LRP12: variants seen among roughly 807,000 people sequenced by gnomAD.
LRP12 encodes the protein LDL receptor related protein 12, also known as low-density lipoprotein receptor-related protein 12.
LRP12 carries 14 observed loss-of-function variants against 66.0 expected under a neutral mutation model. That is an observed-to-expected ratio of 0.21 (90% CI 0.14 to 0.33). The LOEUF (loss-of-function observed/expected upper bound fraction) is 0.33, where lower values mean the gene tolerates loss of function less well. LRP12 is among the 10% of genes least tolerant of loss of function. LRP12 has a pLI of 1.00. For missense variants in LRP12, 889 were observed against 1,053.4 expected (o/e 0.84, Z 2.16); for synonymous variants, 357 against 359.1 (o/e 0.99, Z 0.07).
intron 1 of LRP12, among the ~76,000 whole-genome samples, chr8:104,532,533 T>C (rs1811339759): frequency 6.6e-6 from 1 of 152,168 alleles, no homozygotes; most frequent in Admixed American, 6.6e-5. Flanking sequence ...TAAAATTTTG[T>C]ATTTTATACA....
chr8:104,585,675 C>A (rs574092046), intron 1 of LRP12, among the ~76,000 whole-genome samples: 1 of 152,130 alleles, frequency 6.6e-6, no homozygotes, highest in South Asian at 2.1e-4. Context: ...TAGAAAACAT[C>A]TGAGTGCACA....
intron 1 of LRP12, among the ~76,000 whole-genome samples, chr8:104,556,637 A>AAAAAAAGTC (rs1811813643): frequency 6.6e-6 from 1 of 152,160 alleles, no homozygotes; most frequent in Non-Finnish European, 1.5e-5. Flanking sequence ...ATTGTTCACA[A>AAAAAAAGTC]AAAAAAGTCC....
At chr8:104,495,314 T>A in intron 5 of LRP12, 105 bp from the exon 6 acceptor site, 1 of 1,159,150 alleles carries the variant, frequency 8.6e-7, no homozygotes, top group Non-Finnish European at 1.2e-6. Flanking sequence ...GCATATTTGA[T>A]CATTTTAAAG....
At chr8:104,566,209 G>A in intron 1 of LRP12, 1 of 672,000 alleles carries the variant, frequency 1.5e-6, no homozygotes, top group Admixed American at 3.0e-5. Context: ...TGAAAATGCA[G>A]CACATAGAAA....
intron 2 of LRP12, among the ~76,000 whole-genome samples, chr8:104,512,053 T>TAGA (rs1418579721): frequency 6.6e-6 from 1 of 152,190 alleles, no homozygotes; most frequent in African/African-American, 2.4e-5. Flanking sequence ...TTCTTCCACT[T>TAGA]TACTCTGAGT....
At position 104,490,494 on chromosome 8, in the gene LRP12, A is replaced by G; in HGVS notation, c.*179T>C. ...ATGCATTTTTAGCTGCTAAAATAGT[A>G]AACTCTAAGTTCATAGAGTTACAAG... On this transcript the variant is annotated 3_prime_UTR_variant, in exon 7 of 7. Coordinates refer to ENST00000276654, the MANE Select transcript of LRP12 (RefSeq NM_013437.5). 3.3e-6 allele frequency: 2 copies of G among 610,644 alleles called. No individual in the cohort carries two copies. The highest frequency in any genetic ancestry group is 2.7e-6 in the Non-Finnish European group (1 of 364,118). The allele number at this position is 610,644 out of a possible 1,614,324, so 37.8% of individuals were successfully genotyped here. A position where few individuals can be genotyped will look rare whatever the true frequency, so the allele number is the denominator to read the frequency against.
chr8:104,582,276 G>A (rs1160909081), intron 1 of LRP12, among the ~76,000 whole-genome samples: 6 of 152,106 alleles, frequency 3.9e-5, no homozygotes, highest in Non-Finnish European at 7.4e-5. Flanking sequence ...AAGTAAATGA[G>A]TTATTAACTA....
At chr8:104,511,242 C>A (rs2140845096) in intron 2 of LRP12, among the ~76,000 whole-genome samples, 1 of 151,830 alleles carries the variant, frequency 6.6e-6, no homozygotes, top group East Asian at 1.9e-4. Flanking sequence ...AGGGGTTTCA[C>A]CAGGTTGGCC....
At chr8:104,573,588 G>A (rs556601234) in intron 1 of LRP12, among the ~76,000 whole-genome samples, 7 of 151,902 alleles carry the variant, frequency 4.6e-5, no homozygotes, top group Admixed American at 2.6e-4. Flanking sequence ...TTCTCCCCTC[G>A]GCATTTATTA....
At chr8:104,548,278 A>G (rs1811647216) in intron 1 of LRP12, among the ~76,000 whole-genome samples, 1 of 91,272 alleles carries the variant, frequency 1.1e-5, no homozygotes, top group Admixed American at 1.9e-4. Flanking sequence ...TATATATTAT[A>G]TTAATATATC....
chr8:104,578,886 A>G (rs1288312460), intron 1 of LRP12, among the ~76,000 whole-genome samples: 1 of 152,176 alleles, frequency 6.6e-6, no homozygotes, highest in African/African-American at 2.4e-5. Flanking sequence ...ACCCCTTCAT[A>G]TTAAAAACTC....
intron 1 of LRP12, among the ~76,000 whole-genome samples, chr8:104,548,295 T>TAA (rs1564142055): frequency 5.4e-4 from 33 of 60,908 alleles, no homozygotes; most frequent in Admixed American, 9.1e-4. Context: ...TATCATATAT[T>TAA]TATATAATAT....
At chr8:104,535,052 A>G (rs1811375438) in intron 1 of LRP12, among the ~76,000 whole-genome samples, 1 of 151,846 alleles carries the variant, frequency 6.6e-6, no homozygotes, top group Non-Finnish European at 1.5e-5. Context: ...CTGATAAAAC[A>G]TTACTTCTTT....
intron 1 of LRP12, among the ~76,000 whole-genome samples, chr8:104,573,949 T>C (rs1189431652): frequency 1.3e-5 from 2 of 152,148 alleles, no homozygotes; most frequent in East Asian, 1.9e-4. Flanking sequence ...GATTAAAATA[T>C]ATCATTAGCA....
intron 2 of LRP12, among the ~76,000 whole-genome samples, chr8:104,529,418 T>C (rs1485701963): frequency 6.6e-6 from 1 of 152,168 alleles, no homozygotes; most frequent in African/African-American, 2.4e-5. Flanking sequence ...TATTTCTAAA[T>C]GTGTATCTGA....
chr8:104,527,493 T>TATATAAAA, intron 2 of LRP12, among the ~76,000 whole-genome samples: 1 of 151,052 alleles, frequency 6.6e-6, no homozygotes, highest in African/African-American at 2.4e-5. Context: ...CATGGAATAC[T>TATATAAAA]ATGCAGCCAT....
intron 3 of LRP12, chr8:104,505,673 G>A (rs1200794147): frequency 6.6e-6 from 1 of 152,116 alleles, no homozygotes; most frequent in Non-Finnish European, 1.5e-5. Context: ...AAAGTGCTGG[G>A]ATTACAGGCG....
chr8:104,570,324 A>C (rs1812059005), intron 1 of LRP12, among the ~76,000 whole-genome samples: 2 of 152,190 alleles, frequency 1.3e-5, no homozygotes, highest in African/African-American at 4.8e-5. Flanking sequence ...AGAATAGTTA[A>C]TTTTTACAAA....
rs1810607448 is a variant in LRP12 at position 104,490,789 on chromosome 8, G to A, written c.2464C>T (p.Arg822Ter). The A allele has an allele frequency of 5.6e-6, 9 of 1,613,924 alleles. No homozygotes were observed. The highest frequency in any genetic ancestry group is 3.3e-5 in the South Asian group (3 of 91,074). ...CCACAGCGCTCACAGGGGCCATCTCGATTACTTGGCCTTACTCCAGGATTT... is the reference window on the plus strand; with the variant it reads ...CCACAGCGCTCACAGGGGCCATCTCAATTACTTGGCCTTACTCCAGGATTT... ...ATNPGVRPSN[R>*]DGPCERCGIV... The change falls in exon 7 of 7, where the codon CGA becomes TGA. Residue 822 changes from arginine to a stop codon, truncating the protein, a stop_gained. Coordinates refer to ENST00000276654, the MANE Select transcript of LRP12 (RefSeq NM_013437.5). LOFTEE classifies it high-confidence loss of function.
Sources: gnomAD v4.1 joint callset for allele counts (sites outside exome capture counted in the v4.1 genomes callset) on GRCh38, gnomAD v4.1.1 for gene constraint, MANE v1.5 for transcripts, NCBI Gene and HGNC (gene_info 2026-07-23, HGNC 2026-07-21) for gene names.